The following GOLPH3L variants were observed in gnomAD, a reference collection of about 807,000 sequenced individuals.
GOLPH3L encodes golgi phosphoprotein 3 like.
In GOLPH3L, 22 loss-of-function variants were observed where a neutral mutation model predicts 30.3. That is an observed-to-expected ratio of 0.73 (90% confidence interval 0.52 to 1.04). GOLPH3L has a LOEUF of 1.04. Ranked by LOEUF, GOLPH3L falls within the 50% of genes least tolerant of loss-of-function variation. The pLI, the probability that GOLPH3L is intolerant of heterozygous loss-of-function variation, is 0.00. For synonymous variants in GOLPH3L, 120 were observed against 128.2 expected (o/e 0.94, Z 0.43); for missense variants, 303 against 345.8 (o/e 0.88, Z 0.98).
intron 2 of GOLPH3L, among the ~76,000 whole-genome samples, chr1:150,681,682 T>C (rs1275381700): frequency 2.0e-5 from 3 of 152,228 alleles, no homozygotes; most frequent in Admixed American, 6.5e-5. Context: ...GGTATGTTTA[T>C]ATTTATTGGC....
chr1:150,648,607 G>A lies in GOLPH3L; in HGVS notation c.572C>T (p.Thr191Ile). The A allele has an allele frequency of 6.2e-7, 1 of 1,613,938 alleles. No individual in the cohort carries two copies. Among genetic ancestry groups the A allele is most frequent in the Non-Finnish European group, 8.5e-7 (1 of 1,179,896 alleles). Residue 191 changes from threonine (T) to isoleucine (I), a missense_variant, in exon 5 of 5, where the codon ACC (threonine) becomes ATC (isoleucine). By Grantham distance (89) the Thr-to-Ile change is moderately conservative. Coordinates refer to ENST00000271732, the MANE Select transcript of GOLPH3L (RefSeq NM_018178.6). ...LLFDMTTHPV[T>I]NTTEKQRLVK... ...TAGTCGCTGTTTCTCTGTTGTATTG[G>A]TCACTGGATGAGTAGTCATGTCAAA...
At chr1:150,657,724 A>G (rs1450294904) in intron 4 of GOLPH3L, among the ~76,000 whole-genome samples, 1 of 140,522 alleles carries the variant, frequency 7.1e-6, no homozygotes, top group Admixed American at 6.7e-5. Context: ...AATATTAAAC[A>G]CAATACTGGT....
chr1:150,683,106 A>T (rs1242424386), intron 2 of GOLPH3L, among the ~76,000 whole-genome samples: 1 of 152,096 alleles, frequency 6.6e-6, no homozygotes, highest in Non-Finnish European at 1.5e-5. Flanking sequence ...GCCTTGCATC[A>T]AGGAGGTACT....
chr1:150,667,734 A>C (rs1346077002), intron 2 of GOLPH3L, among the ~76,000 whole-genome samples: 1 of 151,606 alleles, frequency 6.6e-6, no homozygotes, highest in Admixed American at 6.6e-5. Context: ...CTGGGACTAC[A>C]GGCGCCCGCC....
chr1:150,675,635 G>A (rs1394607927), intron 2 of GOLPH3L, among the ~76,000 whole-genome samples: 1 of 151,878 alleles, frequency 6.6e-6, no homozygotes, highest in African/African-American at 2.4e-5. Flanking sequence ...AATTAGATAG[G>A]TGTGGTGGCA....
intron 2 of GOLPH3L, among the ~76,000 whole-genome samples, chr1:150,689,704 G>A (rs1651166057): frequency 6.6e-6 from 1 of 152,114 alleles, no homozygotes; most frequent in African/African-American, 2.4e-5. Context: ...GAGTGCAGTA[G>A]TGTGACCTTG....
chr1:150,681,539 T>C (rs958187393), intron 2 of GOLPH3L, among the ~76,000 whole-genome samples: 2 of 152,052 alleles, frequency 1.3e-5, no homozygotes, highest in African/African-American at 4.8e-5. Flanking sequence ...GAAATAAGGT[T>C]AGTCAGATGA....
intron 2 of GOLPH3L, among the ~76,000 whole-genome samples, chr1:150,664,297 C>T (rs916849143): frequency 1.3e-5 from 2 of 152,076 alleles, no homozygotes; most frequent in Non-Finnish European, 2.9e-5. Context: ...AGTGACTGCA[C>T]CTGGTTTGAC....
At chr1:150,676,116 A>G (rs1042324646) in intron 2 of GOLPH3L, among the ~76,000 whole-genome samples, 1 of 151,972 alleles carries the variant, frequency 6.6e-6, no homozygotes, top group Admixed American at 6.6e-5. Context: ...TGGAACTACC[A>G]GCGCATGCCA....
At position 150,648,690 on chromosome 1, in the gene GOLPH3L, G is replaced by A. The variant is rs755173649; in HGVS notation, c.489C>T (p.Ile163=). Residue 163 remains isoleucine (I), a synonymous_variant, in exon 5 of 5, where the codon ATC becomes ATT. Coordinates refer to ENST00000271732, the MANE Select transcript of GOLPH3L (RefSeq NM_018178.6). ...QYQLRNVRER[I]AKNLVEKGIL... ...TACCTTTCTCTACTAGGTTCTTTGCGATGCGCTCTCGTACATTTCTCAGCT... is the reference window on the plus strand; with the variant it reads ...TACCTTTCTCTACTAGGTTCTTTGCAATGCGCTCTCGTACATTTCTCAGCT... 32 of 1,612,170 alleles carry A rather than the reference G, an allele frequency of 2.0e-5. No individual in the cohort carries two copies. The East Asian group carries it at 4.2e-4, about 21-fold the overall frequency.
chr1:150,676,472 A>T (rs587604183), intron 2 of GOLPH3L, among the ~76,000 whole-genome samples: 2 of 151,790 alleles, frequency 1.3e-5, no homozygotes, highest in African/African-American at 4.8e-5. Context: ...AGGATTTTTT[A>T]AAAAAAGAAC....
Position 150,685,190 on chromosome 1 carries a change from T to C in GOLPH3L, c.183+9466A>G, listed in dbSNP as rs139330317. ...AAATTTGAAGTAAAAATAAAACTAA[T>C]AAAATCATTCAGAATTCCTTACAGT... On this transcript the variant is annotated intron_variant, in intron 2 of 4. Transcript: ENST00000271732. Among the ~76,000 whole-genome samples, 674 of 152,260 alleles carry C rather than the reference T, an allele frequency of 4.4e-3. 5 individuals carry two copies. Among genetic ancestry groups the C allele is most frequent in the African/African-American group, 0.015 (637 of 41,570 alleles).
intron 2 of GOLPH3L, among the ~76,000 whole-genome samples, chr1:150,691,691 G>T (rs1413687108): frequency 1.3e-5 from 2 of 151,794 alleles, no homozygotes; most frequent in African/African-American, 4.8e-5. Flanking sequence ...GTAATTCCTG[G>T]CTTGATTTTG....
At chr1:150,695,269 T>A (rs587595582) in intron 1 of GOLPH3L, among the ~76,000 whole-genome samples, 9 of 152,276 alleles carry the variant, frequency 5.9e-5, no homozygotes, top group Admixed American at 5.9e-4. Context: ...CCTGAGTAGT[T>A]GGGATTACAG....
intron 2 of GOLPH3L, among the ~76,000 whole-genome samples, chr1:150,665,069 A>G (rs1217372923): frequency 1.3e-5 from 2 of 152,140 alleles, no homozygotes; most frequent in Non-Finnish European, 2.9e-5. Flanking sequence ...AATACTTATT[A>G]TATACTAGAT....
intron 4 of GOLPH3L, among the ~76,000 whole-genome samples, chr1:150,649,716 T>A (rs1650061513): frequency 6.6e-6 from 1 of 151,944 alleles, no homozygotes; most frequent in Admixed American, 6.6e-5. Context: ...CACACATAGA[T>A]CTATCAAAAA....
At position 150,649,880 on chromosome 1, in the gene GOLPH3L, C is replaced by T. The variant is rs1478123507; in HGVS notation, c.431-1132G>A. On this transcript the variant is annotated intron_variant, in intron 4 of 4. Transcript: ENST00000271732. ...GGTGTGGTGGTACACGCCTGTAGTCCCAGCTACTTGGAGGCTTAGGCAGGA... is the reference window on the plus strand; with the variant it reads ...GGTGTGGTGGTACACGCCTGTAGTCTCAGCTACTTGGAGGCTTAGGCAGGA... Among the ~76,000 whole-genome samples, 6 of 151,920 alleles carry T rather than the reference C, an allele frequency of 3.9e-5. No individual in the cohort carries two copies. The East Asian group carries it at 9.6e-4, about 24-fold the overall frequency.
chr1:150,668,422 G>A (rs773926834), intron 2 of GOLPH3L, among the ~76,000 whole-genome samples: 5 of 152,086 alleles, frequency 3.3e-5, no homozygotes, highest in African/African-American at 1.2e-4. Context: ...TCGCTCTGTC[G>A]CCCAGGCTGG....
chr1:150,683,835 G>A (rs957555681), intron 2 of GOLPH3L, among the ~76,000 whole-genome samples: 17 of 151,264 alleles, frequency 1.1e-4, no homozygotes, highest in Admixed American at 6.6e-5. Flanking sequence ...TCCTTCAGGC[G>A]GATGTACATA....
Sources: gnomAD v4.1 joint callset for allele counts (sites outside exome capture counted in the v4.1 genomes callset) on GRCh38, gnomAD v4.1.1 for gene constraint, MANE v1.5 for transcripts, NCBI Gene and HGNC (gene_info 2026-07-23, HGNC 2026-07-21) for gene names.